CELF4: variants seen among roughly 807,000 people sequenced by gnomAD.
CELF4 encodes the protein CUG-BP- and ETR-3-like factor 4.
In CELF4, 18 loss-of-function variants were observed where a neutral mutation model predicts 59.9. The observed-to-expected ratio is 0.30, with a 90% CI of 0.21 to 0.45. The LOEUF (loss-of-function observed/expected upper bound fraction) is 0.45, where lower values mean the gene tolerates loss of function less well. Ranked by LOEUF, CELF4 falls within the 20% of genes least tolerant of loss-of-function variation. CELF4 has a pLI of 1.00. For missense variants in CELF4, 456 were observed against 689.0 expected, an observed-to-expected ratio of 0.66 and a Z score of 3.79; for synonymous variants, 261 against 267.1, an observed-to-expected ratio of 0.98 and a Z score of 0.22.
chr18:37,422,363 CAA>C (rs972551772), intron 2 of CELF4, among the ~76,000 whole-genome samples: 2 of 152,190 alleles, frequency 1.3e-5, no homozygotes, highest in African/African-American at 4.8e-5. Context: ...GTGAAACAAA[CAA>C]GACATTTATC....
chr18:37,295,482 C>T (rs1260106905), intron 3 of CELF4, among the ~76,000 whole-genome samples: 3 of 152,338 alleles, frequency 2.0e-5, no homozygotes, highest in African/African-American at 7.2e-5. Flanking sequence ...TCTAAACATA[C>T]TGGCCCAGGT....
chr18:37,464,509 AG>A (rs1305780800), intron 2 of CELF4, among the ~76,000 whole-genome samples: 1 of 152,114 alleles, frequency 6.6e-6, no homozygotes, highest in East Asian at 1.9e-4. Flanking sequence ...GTGAGCCCTC[AG>A]GGGAGACATC....
chr18:37,441,535 A>G (rs1432025522), intron 2 of CELF4, among the ~76,000 whole-genome samples: 2 of 152,116 alleles, frequency 1.3e-5, no homozygotes, highest in African/African-American at 4.8e-5. Flanking sequence ...ATTAGGTAGG[A>G]GGGGTAGAAA....
chr18:37,361,079 A>T (rs2098696255), intron 2 of CELF4, among the ~76,000 whole-genome samples: 1 of 152,104 alleles, frequency 6.6e-6, no homozygotes, highest in African/African-American at 2.4e-5. Context: ...AATGCTGGAC[A>T]TACATTAAGC....
intron 2 of CELF4, among the ~76,000 whole-genome samples, chr18:37,343,557 G>A (rs1475149589): frequency 6.6e-6 from 1 of 151,404 alleles, no homozygotes; most frequent in Non-Finnish European, 1.5e-5. Context: ...TCCCACCCCT[G>A]GTATATGTGG....
Position 37,454,843 on chromosome 18 carries a change from A to G in CELF4, c.369+30682T>C, listed in dbSNP as rs563943963. Among the ~76,000 whole-genome samples, 102 of 152,354 alleles carry G rather than the reference A, an allele frequency of 6.7e-4. 1 individual carries two copies. The highest frequency in any genetic ancestry group is 2.1e-3 in the African/African-American group (87 of 41,592). ...TGTTTTCACTGTACCAGGCACAGGA[A>G]CCAGCCCTGGATGTGCTACGGCCCC... On this transcript the variant is annotated intron_variant, in intron 2 of 12. Coordinates refer to ENST00000420428, the MANE Select transcript of CELF4 (RefSeq NM_020180.4).
chr18:37,431,906 T>C (rs911245489), intron 2 of CELF4, among the ~76,000 whole-genome samples: 58 of 152,296 alleles, frequency 3.8e-4, no homozygotes, highest in African/African-American at 1.3e-3. Context: ...TATGCCCACA[T>C]AATTAAGCCC....
At chr18:37,292,818 T>G (rs146919230) in intron 3 of CELF4, among the ~76,000 whole-genome samples, 2 of 152,346 alleles carry the variant, frequency 1.3e-5, no homozygotes, top group African/African-American at 2.4e-5. Context: ...CTTTTATAAA[T>G]TTCACCTTTG....
chr18:37,300,135 T>A (rs932634012), intron 3 of CELF4, among the ~76,000 whole-genome samples: 7 of 152,134 alleles, frequency 4.6e-5, no homozygotes, highest in Non-Finnish European at 8.8e-5. Flanking sequence ...GGGGGCCCCA[T>A]TCACATAATC....
At chr18:37,256,194 G>A (rs2069291798) in intron 11 of CELF4, among the ~76,000 whole-genome samples, 3 of 152,136 alleles carry the variant, frequency 2.0e-5, no homozygotes, top group Admixed American at 6.5e-5. Context: ...CTGCTCCCAG[G>A]CCCTGTGGGA....
At chr18:37,357,556 C>G (rs2098615332) in intron 2 of CELF4, among the ~76,000 whole-genome samples, 1 of 152,212 alleles carries the variant, frequency 6.6e-6, no homozygotes, top group Non-Finnish European at 1.5e-5. Context: ...GGAGCCTCCA[C>G]AGAGAATCCC....
intron 3 of CELF4, among the ~76,000 whole-genome samples, chr18:37,303,503 A>AAGGGGACTGCC (rs2096208734): frequency 6.6e-6 from 1 of 152,256 alleles, no homozygotes. Flanking sequence ...AGCAAAAGGC[A>AAGGGGACTGCC]GTCCCCACAG....
intron 2 of CELF4, among the ~76,000 whole-genome samples, chr18:37,322,610 G>C (rs650540): frequency 0.94 from 142,737 of 152,280 alleles, 67,013 homozygotes; most frequent in East Asian, 1. Context: ...CCCATTCAGG[G>C]CACTAGGGGT....
intron 2 of CELF4, among the ~76,000 whole-genome samples, chr18:37,354,092 G>A (rs1035191241): frequency 8.5e-5 from 13 of 152,058 alleles, no homozygotes; most frequent in South Asian, 2.1e-4. Flanking sequence ...GGTCAGAGCC[G>A]GAGATGTGAG....
At chr18:37,272,968 G>A in intron 7 of CELF4, 48 bp downstream of exon 7, 1 of 1,557,400 alleles carries the variant, frequency 6.4e-7, no homozygotes, top group Non-Finnish European at 8.8e-7. Context: ...CCTGGGGCCA[G>A]CTGTTCTCCC....
intron 3 of CELF4, among the ~76,000 whole-genome samples, chr18:37,285,107 G>A (rs1247237896): frequency 6.6e-6 from 1 of 152,192 alleles, no homozygotes; most frequent in African/African-American, 2.4e-5. Context: ...GAGTGGGTGG[G>A]GCACCCATAG....
intron 2 of CELF4, among the ~76,000 whole-genome samples, chr18:37,449,321 C>A (rs980353795): frequency 3.9e-5 from 6 of 152,108 alleles, no homozygotes; most frequent in Non-Finnish European, 5.9e-5. Context: ...GTGACTGGGA[C>A]AGCGGGATCA....
chr18:37,479,902 T>C (rs1396661968), intron 2 of CELF4, among the ~76,000 whole-genome samples: 1 of 152,178 alleles, frequency 6.6e-6, no homozygotes, highest in African/African-American at 2.4e-5. Flanking sequence ...AGGAGAAGTC[T>C]GGACACAGAC....
At chr18:37,300,378 C>T (rs2095938538) in intron 3 of CELF4, among the ~76,000 whole-genome samples, 1 of 152,192 alleles carries the variant, frequency 6.6e-6, no homozygotes, top group Non-Finnish European at 1.5e-5. Context: ...GCACCTGCCA[C>T]CGCACTTGGC....
Sources: allele counts gnomAD v4.1 joint callset (sites outside exome capture counted in the v4.1 genomes callset), GRCh38; gene constraint gnomAD v4.1.1; transcripts MANE v1.5; gene names NCBI Gene and HGNC (gene_info 2026-07-23, HGNC 2026-07-21).